ANKRD31: variants seen among roughly 807,000 people sequenced by gnomAD.
ANKRD31 encodes the protein ankyrin repeat domain 31.
A neutral mutation model predicts 186.0 loss-of-function variants in ANKRD31; 147 were observed. That is an observed-to-expected ratio of 0.79 (90% CI 0.69 to 0.91). The LOEUF is 0.91. Among genes scored for constraint, ANKRD31 ranks in the 40% least tolerant of loss-of-function variants. The pLI, the probability that ANKRD31 is intolerant of heterozygous loss-of-function variation, is 0.00. For missense variants in ANKRD31, 1,986 were observed against 2,148.8 expected (o/e 0.92, Z 1.50); for synonymous variants, 673 against 736.4 (o/e 0.91, Z 1.39).
chr5:75,190,644 C>T (rs890940049), intron 9 of ANKRD31, among the ~76,000 whole-genome samples: 2 of 151,450 alleles, frequency 1.3e-5, no homozygotes, highest in East Asian at 1.9e-4. Context: ...TTTCTGTGAA[C>T]TGCTTGTTCA....
At chr5:75,096,909 C>G (rs1028136147) in intron 22 of ANKRD31, among the ~76,000 whole-genome samples, 1 of 149,924 alleles carries the variant, frequency 6.7e-6, no homozygotes, top group Non-Finnish European at 1.5e-5. Flanking sequence ...GAACATGCAG[C>G]GTTCGGTTTT....
chr5:75,197,350 A>G (rs1227461726), intron 6 of ANKRD31, among the ~76,000 whole-genome samples: 1 of 152,212 alleles, frequency 6.6e-6, no homozygotes, highest in Admixed American at 6.5e-5. Flanking sequence ...GGCCTTAAAT[A>G]CCAGAATGGG....
intron 14 of ANKRD31, among the ~76,000 whole-genome samples, chr5:75,145,121 T>A (rs1008576718): frequency 6.6e-6 from 1 of 152,090 alleles, no homozygotes; most frequent in South Asian, 2.1e-4. Context: ...GAAATAGGAA[T>A]GCTTTTACAC....
chr5:75,086,196 T>G (rs114027243), intron 23 of ANKRD31, among the ~76,000 whole-genome samples: 3,653 of 152,336 alleles, frequency 0.024, 136 homozygotes, highest in African/African-American at 0.083. Flanking sequence ...TATTAGTTAG[T>G]GCTGGGCAAT....
At chr5:75,129,199 G>A (rs538980408) in intron 17 of ANKRD31, among the ~76,000 whole-genome samples, 14 of 152,236 alleles carry the variant, frequency 9.2e-5, no homozygotes, top group Admixed American at 5.9e-4. Context: ...ATGTGAATAA[G>A]TGCCTACTAC....
chr5:75,230,688 A>G (rs1757895110), intron 1 of ANKRD31, 53 bp from the exon 2 acceptor site: 6 of 1,352,508 alleles, frequency 4.4e-6, no homozygotes, highest in South Asian at 2.6e-5. Flanking sequence ...TTAAACAAAG[A>G]CTAACATTTT....
At chr5:75,136,400 GAC>G (rs1750579521) in intron 17 of ANKRD31, among the ~76,000 whole-genome samples, 1 of 152,038 alleles carries the variant, frequency 6.6e-6, no homozygotes, top group Non-Finnish European at 1.5e-5. Context: ...GCAGCCAACA[GAC>G]ACATGAAAAA....
At chr5:75,169,201 T>G (rs1231936819) in intron 10 of ANKRD31, 80 bp from the exon 11 acceptor site, 4 of 1,429,558 alleles carry the variant, frequency 2.8e-6, no homozygotes, top group South Asian at 1.3e-5. Flanking sequence ...AAAACAACTT[T>G]GATTCTAAGT....
At chr5:75,128,703 T>C (rs1304973250) in intron 17 of ANKRD31, among the ~76,000 whole-genome samples, 5 of 149,104 alleles carry the variant, frequency 3.4e-5, no homozygotes, top group South Asian at 2.2e-4. Flanking sequence ...TTTAGTAGAG[T>C]TGGGGTTTCA....
At chr5:75,168,920 G>C (rs1753118000) in intron 11 of ANKRD31, 59 bp downstream of exon 11, 1 of 1,421,646 alleles carries the variant, frequency 7.0e-7, no homozygotes, top group African/African-American at 1.4e-5. Flanking sequence ...TGTGGTCCCA[G>C]AGATATTTAA....
At chr5:75,172,380 T>G (rs1753399313) in intron 10 of ANKRD31, among the ~76,000 whole-genome samples, 1 of 141,834 alleles carries the variant, frequency 7.1e-6, no homozygotes, top group Non-Finnish European at 1.5e-5. Flanking sequence ...AAAAAAAAAC[T>G]CTGTAAATTA....
intron 19 of ANKRD31, among the ~76,000 whole-genome samples, chr5:75,114,655 C>A (rs1979380): frequency 6.6e-6 from 1 of 152,078 alleles, no homozygotes; most frequent in East Asian, 1.9e-4. Context: ...CTCCCATTCA[C>A]AATTGCTTCA....
At chr5:75,124,728 AAAT>A (rs1462624644) in intron 17 of ANKRD31, among the ~76,000 whole-genome samples, 2 of 152,208 alleles carry the variant, frequency 1.3e-5, no homozygotes, top group Non-Finnish European at 2.9e-5. Flanking sequence ...GGAACAAGTC[AAAT>A]ACTGGATGTT....
intron 25 of ANKRD31, among the ~76,000 whole-genome samples, chr5:75,070,057 C>G (rs1227413111): frequency 1.3e-5 from 2 of 152,090 alleles, no homozygotes; most frequent in African/African-American, 4.8e-5. Flanking sequence ...CAATAAAATT[C>G]CTTTTTGAGG....
chr5:75,090,043 G>A (rs1328353840), intron 23 of ANKRD31, among the ~76,000 whole-genome samples: 1 of 152,216 alleles, frequency 6.6e-6, no homozygotes, highest in East Asian at 1.9e-4. Flanking sequence ...ACAGCATTCA[G>A]TATGCTATCT....
chr5:75,223,153 G>A (rs191916173), intron 2 of ANKRD31, among the ~76,000 whole-genome samples: 2 of 152,194 alleles, frequency 1.3e-5, no homozygotes, highest in African/African-American at 4.8e-5. Flanking sequence ...GCATGAGATG[G>A]TATCTCCTTG....
intron 11 of ANKRD31, among the ~76,000 whole-genome samples, chr5:75,159,669 T>TTA (rs1554082641): frequency 3.4e-5 from 5 of 146,388 alleles, no homozygotes; most frequent in Non-Finnish European, 7.5e-5. Context: ...CATTCACAGA[T>TTA]AAAAAAAAAA....
chr5:75,174,884 C>T (rs1271446451), intron 10 of ANKRD31, among the ~76,000 whole-genome samples: 1 of 152,192 alleles, frequency 6.6e-6, no homozygotes, highest in Admixed American at 6.5e-5. Context: ...ACTGGGTATA[C>T]ACCCAAAGGA....
At chr5:75,115,377 G>T (rs1362796461) in intron 19 of ANKRD31, among the ~76,000 whole-genome samples, 2 of 152,146 alleles carry the variant, frequency 1.3e-5, no homozygotes, top group Non-Finnish European at 2.9e-5. Context: ...AACACCAAAA[G>T]CAATGGCAAC....
Sources: allele counts gnomAD v4.1 joint callset (sites outside exome capture counted in the v4.1 genomes callset), GRCh38; gene constraint gnomAD v4.1.1; transcripts MANE v1.5; gene names NCBI Gene and HGNC (gene_info 2026-07-23, HGNC 2026-07-21).